HYDIN: variants seen among roughly 807,000 people sequenced by gnomAD.
HYDIN encodes the protein axonemal central pair apparatus protein HYDIN.
Under a neutral mutation model 403.9 loss-of-function variants are expected in HYDIN, and 132 were observed. That is an observed-to-expected ratio of 0.33 (90% CI 0.28 to 0.38). The LOEUF is 0.38. Among genes scored for constraint, HYDIN ranks in the 10% least tolerant of loss-of-function variants. The pLI is 1.00. For synonymous variants in HYDIN, 1,202 were observed against 1,891.7 expected (o/e 0.64, Z 9.46); for missense variants, 2,827 against 5,009.5 (o/e 0.56, Z 13.15).
At chr16:70,958,708 A>C (rs1445893906) in intron 39 of HYDIN, among the ~76,000 whole-genome samples, 2 of 151,422 alleles carry the variant, frequency 1.3e-5, no homozygotes, top group African/African-American at 4.9e-5. Flanking sequence ...GGGGTAATGA[A>C]TTGTGACATT....
chr16:71,019,170 C>T (rs1047022536), intron 22 of HYDIN, among the ~76,000 whole-genome samples: 2 of 151,852 alleles, frequency 1.3e-5, no homozygotes, highest in African/African-American at 4.8e-5. Flanking sequence ...GCAGTAACAC[C>T]TTCCCGTAGA....
chr16:70,921,324 G>A (rs912525832), intron 45 of HYDIN, 107 bp from the exon 46 acceptor site: 153 of 1,210,284 alleles, frequency 1.3e-4, no homozygotes, highest in Middle Eastern at 2.0e-4. Context: ...GGTCTCCGAG[G>A]ATCTGGGCAC....
chr16:70,880,505 T>C (rs1431709968), intron 60 of HYDIN, among the ~76,000 whole-genome samples: 2 of 151,966 alleles, frequency 1.3e-5, no homozygotes, highest in Non-Finnish European at 2.9e-5. Context: ...CCGCTGGTCT[T>C]CTAAAGGGCG....
rs2078207149 is a variant in HYDIN, at chr16:70,955,564, G to A, written c.6143-16C>T. 7.9e-7 allele frequency: 1 copy of A among 1,258,082 alleles called. No homozygotes were observed. The highest frequency in any genetic ancestry group is 1.5e-5 in the African/African-American group (1 of 67,472). The allele number at this position is 1,258,082 out of a possible 1,614,324, so 77.9% of individuals were successfully genotyped here. A position where few individuals can be genotyped will look rare whatever the true frequency, so the allele number is the denominator to read the frequency against. ...GCTGACTTTCCTATTAAAAAGACCA[G>A]GGGGTTGAATTTCACGGTGCTCATT... On this transcript the variant is annotated splice_polypyrimidine_tract_variant and intron_variant, in intron 39 of 85. Transcript: ENST00000393567.
At chr16:71,028,127 G>A (rs1483963038) in intron 19 of HYDIN, among the ~76,000 whole-genome samples, 2 of 151,078 alleles carry the variant, frequency 1.3e-5, no homozygotes, top group Admixed American at 1.3e-4. Context: ...CCCACACACT[G>A]CAGGACACAC....
chr16:71,116,625 G>A lies in HYDIN; in HGVS notation c.1228-830C>T, dbSNP rs199549273. Among the ~76,000 whole-genome samples, 349 of 152,020 alleles carry A rather than the reference G, an allele frequency of 2.3e-3. 1 individual carries two copies. Among genetic ancestry groups the A allele is most frequent in the African/African-American group, 7.5e-3 (311 of 41,460 alleles). On this transcript the variant is annotated intron_variant, in intron 9 of 85. Coordinates refer to ENST00000393567, the MANE Select transcript of HYDIN (RefSeq NM_001270974.2). ...CTCTATACTGTTTTCCATAATGTCC[G>A]TACCAATCTACAGTCCCACCAACAG...
intron 1 of HYDIN, among the ~76,000 whole-genome samples, chr16:71,198,946 T>C (rs768277843): frequency 6.6e-6 from 1 of 152,214 alleles, no homozygotes; most frequent in Non-Finnish European, 1.5e-5. Context: ...TATACTCCCA[T>C]CAGCAGTATA....
At position 71,103,846 on chromosome 16, in the gene HYDIN, G is replaced by C. The variant is rs118032119; in HGVS notation, c.1328-9911C>G. Among the ~76,000 whole-genome samples, 4 of 152,222 alleles carry C rather than the reference G, an allele frequency of 2.6e-5. No individual in the cohort carries two copies. The South Asian group carries it at 8.3e-4, about 32-fold the overall frequency. The stretch of plus-strand genomic sequence containing the variant: ...TATAGATGAATTTGGGGGAGAAATG[G>C]CATTAAGATGTCATTAAGATATTAT... On this transcript the variant is annotated intron_variant, in intron 10 of 85. Transcript: ENST00000393567.
chr16:70,849,172 C>T (rs533642305), intron 75 of HYDIN, among the ~76,000 whole-genome samples: 215 of 152,130 alleles, frequency 1.4e-3, no homozygotes, highest in African/African-American at 4.6e-3. Context: ...AAGGCTACTG[C>T]AGAGCTGGGA....
intron 85 of HYDIN, 92 bp downstream of exon 85, chr16:70,809,691 C>T: frequency 2.9e-6 from 3 of 1,029,594 alleles, no homozygotes; most frequent in Admixed American, 1.8e-5. Context: ...CTCTCTGAGT[C>T]TCACATTCAT....
chr16:71,139,775 G>C (rs1277294880), intron 7 of HYDIN, among the ~76,000 whole-genome samples: 1 of 152,060 alleles, frequency 6.6e-6, no homozygotes, highest in Non-Finnish European at 1.5e-5. Flanking sequence ...TAAAAGTATT[G>C]AATTGGAAAC....
Position 71,069,420 on chromosome 16 carries a change from G to A in HYDIN, c.1821C>T (p.Gly607=). The change falls in exon 14 of 86, where the codon GGC becomes GGT. Residue 607 remains glycine (G), a synonymous_variant. Transcript: ENST00000393567. ...MTYKLRIPGD[G]LGHKSISYCE... ...AATATGAAATGCTTTTATGGCCAAG[G>A]CCATCCCCAGGGATACGCAGTTTGT... The A allele has an allele frequency of 6.2e-7, 1 of 1,614,158 alleles. No homozygotes were observed. The highest frequency in any genetic ancestry group is 1.1e-5 in the South Asian group (1 of 91,088).
chr16:70,833,922 G>A lies in HYDIN; in HGVS notation c.13644C>T (p.Arg4548=). The change falls in exon 79 of 86, where the codon CGC becomes CGT. Residue 4548 remains arginine, a synonymous_variant. Coordinates refer to ENST00000393567, the MANE Select transcript of HYDIN (RefSeq NM_001270974.2). Reference sequence around the variant, plus strand: ...CATCGCCTGTGTTCATCATGAGGATGCGACGTGTGGCTTGCGTCTGATACA... The same window carrying A: ...CATCGCCTGTGTTCATCATGAGGATACGACGTGTGGCTTGCGTCTGATACA... ...PVVYQTQATR[R]ILMMNTGDVG... is the part of the protein sequence containing the mutation. The A allele has an allele frequency of 6.2e-7, 1 of 1,613,692 alleles. No individual in the cohort carries two copies. The highest frequency in any genetic ancestry group is 8.5e-7 in the Non-Finnish European group (1 of 1,179,840).
intron 12 of HYDIN, among the ~76,000 whole-genome samples, chr16:71,083,725 CTT>C (rs2082852035): frequency 6.6e-6 from 1 of 152,170 alleles, no homozygotes; most frequent in African/African-American, 2.4e-5. Flanking sequence ...GTGCCTGCCA[CTT>C]TGCGTAGTGT....
At chr16:71,204,929 T>C (rs1345017379) in intron 1 of HYDIN, among the ~76,000 whole-genome samples, 1 of 152,010 alleles carries the variant, frequency 6.6e-6, no homozygotes, top group Non-Finnish European at 1.5e-5. Flanking sequence ...TGAAAAGCTA[T>C]AGGTGAAAAA....
intron 1 of HYDIN, among the ~76,000 whole-genome samples, chr16:71,204,774 A>G (rs2088204213): frequency 6.6e-6 from 1 of 152,214 alleles, no homozygotes; most frequent in African/African-American, 2.4e-5. Flanking sequence ...GGCCAGATCA[A>G]TTCCCATTAA....
At chr16:71,220,249 T>C (rs1323632672) in intron 1 of HYDIN, among the ~76,000 whole-genome samples, 2 of 152,314 alleles carry the variant, frequency 1.3e-5, no homozygotes, top group East Asian at 3.9e-4. Context: ...GCTGCTAAAG[T>C]GAAGAAACAT....
At chr16:71,125,402 T>C (rs2084415743) in intron 9 of HYDIN, among the ~76,000 whole-genome samples, 1 of 152,230 alleles carries the variant, frequency 6.6e-6, no homozygotes, top group South Asian at 2.1e-4. Flanking sequence ...TGTTCATTCA[T>C]TCATTCGTTT....
chr16:70,817,944 G>A (rs1200468486), intron 84 of HYDIN, among the ~76,000 whole-genome samples: 3 of 152,106 alleles, frequency 2.0e-5, no homozygotes, highest in African/African-American at 7.2e-5. Context: ...GTTTCACCAT[G>A]TTAGCCAGGC....
Sources: gnomAD v4.1 joint callset for allele counts (sites outside exome capture counted in the v4.1 genomes callset) on GRCh38, gnomAD v4.1.1 for gene constraint, MANE v1.5 for transcripts, NCBI Gene and HGNC (gene_info 2026-07-23, HGNC 2026-07-21) for gene names.